Variants in COL12A1 observed in about 807,000 individuals in gnomAD.
The protein encoded by COL12A1 is collagen alpha-1(XII) chain.
COL12A1 carries 114 observed loss-of-function variants against 349.7 expected under a neutral mutation model. The ratio of observed to expected loss-of-function variants is 0.33; its 90% CI spans 0.28 to 0.38. The LOEUF is 0.38. Among genes scored for constraint, COL12A1 ranks in the 10% least tolerant of loss-of-function variants. The pLI is 1.00. For missense variants in COL12A1, 3,284 were observed against 3,756.9 expected, an observed-to-expected ratio of 0.87 and a Z score of 3.29; for synonymous variants, 1,369 against 1,329.0, an observed-to-expected ratio of 1.03 and a Z score of -0.66.
rs1765872450 is a variant in COL12A1 at position 75,123,853 on chromosome 6, A to G, written c.6871+95T>C. The G allele has an allele frequency of 2.3e-6, 3 of 1,292,544 alleles. No homozygotes were observed. The East Asian group carries it at 7.1e-5, about 31-fold the overall frequency. 80.1% of individuals were successfully genotyped at this position (1,292,544 alleles called of 1,614,324 possible). A position where few individuals can be genotyped will look rare whatever the true frequency, so the allele number is the denominator to read the frequency against. On this transcript the variant is annotated intron_variant, in intron 42 of 65. Coordinates refer to ENST00000322507, the MANE Select transcript of COL12A1 (RefSeq NM_004370.6). Reference sequence around the variant, plus strand: ...CCCATCATTATTGCTACCCCTACGGAGAGGTACCTGCACAGGATTCACTTA... The same window carrying G: ...CCCATCATTATTGCTACCCCTACGGGGAGGTACCTGCACAGGATTCACTTA...
At chr6:75,118,092 A>G (rs1043509677) in intron 46 of COL12A1, among the ~76,000 whole-genome samples, 1 of 152,194 alleles carries the variant, frequency 6.6e-6, no homozygotes, top group Admixed American at 6.5e-5. Flanking sequence ...CGAAAGCTAA[A>G]TTTGACATCA....
chr6:75,099,672 C>T (rs1296447567), intron 58 of COL12A1, among the ~76,000 whole-genome samples: 9 of 152,210 alleles, frequency 5.9e-5, no homozygotes, highest in Admixed American at 5.2e-4. Flanking sequence ...GTTATTTCCA[C>T]TTCTAACCAA....
intron 65 of COL12A1, chr6:75,087,372 G>C (rs1311207541): frequency 1.9e-6 from 1 of 528,152 alleles, no homozygotes; most frequent in Non-Finnish European, 3.2e-6. Context: ...CAGAAACATG[G>C]GGAAAAAAGA....
At chr6:75,094,594 G>A (rs1465039723) in intron 60 of COL12A1, among the ~76,000 whole-genome samples, 1 of 152,030 alleles carries the variant, frequency 6.6e-6, no homozygotes, top group African/African-American at 2.4e-5. Flanking sequence ...ATTGGGGCAG[G>A]ACAGTATTAA....
In COL12A1 at chr6:75,115,461, A is replaced by G. The variant is rs75490841; in HGVS notation, c.7697+323T>C. Among the ~76,000 whole-genome samples, 666 of 152,234 alleles carry G rather than the reference A, an allele frequency of 4.4e-3. 5 individuals are homozygous for G. Among genetic ancestry groups the G allele is most frequent in the Non-Finnish European group, 7.8e-3 (528 of 67,982 alleles). ...CTTATTCCATCCAGTATTCTGCACC[A>G]CAGAGAGAGATGTTCAAAATATTAA... On this transcript the variant is annotated intron_variant, in intron 49 of 65. Coordinates refer to ENST00000322507, the MANE Select transcript of COL12A1 (RefSeq NM_004370.6).
At chr6:75,119,548 C>T (rs1262809533) in intron 44 of COL12A1, 75 bp from the exon 45 acceptor site, 1 of 1,523,692 alleles carries the variant, frequency 6.6e-7, no homozygotes, top group Non-Finnish European at 8.8e-7. Flanking sequence ...GATTCTCTAG[C>T]TGCGGAATAA....
At chr6:75,103,321 G>T (rs1266160879) in intron 55 of COL12A1, among the ~76,000 whole-genome samples, 1 of 152,206 alleles carries the variant, frequency 6.6e-6, no homozygotes, top group African/African-American at 2.4e-5. Flanking sequence ...GAAAACCAGT[G>T]TGGAGCTGGC....
intron 51 of COL12A1, among the ~76,000 whole-genome samples, chr6:75,110,642 A>G (rs1313914340): frequency 6.6e-5 from 10 of 152,028 alleles, no homozygotes; most frequent in Admixed American, 6.6e-4. Context: ...AATCCATGTC[A>G]TCTTTCAACA....
intron 20 of COL12A1, among the ~76,000 whole-genome samples, chr6:75,151,533 A>G (rs1767484462): frequency 6.6e-6 from 1 of 152,148 alleles, no homozygotes; most frequent in Non-Finnish European, 1.5e-5. Flanking sequence ...TTCCCGCCAA[A>G]AAGACTCTCT....
In COL12A1 at chr6:75,177,604, A is replaced by G. The variant is rs550497591; in HGVS notation, c.2437+59T>C. On this transcript the variant is annotated intron_variant, in intron 12 of 65. Coordinates refer to ENST00000322507, the MANE Select transcript of COL12A1 (RefSeq NM_004370.6). ...GTTTTTTATCTGGATAGTTGTCCCA[A>G]TTTTCCCCTCTAGTCTAAGAGTTTG... 112 of 1,603,528 alleles carry G rather than the reference A, an allele frequency of 7.0e-5. No individual in the cohort carries two copies. The African/African-American group carries it at 1.4e-3, about 20-fold the overall frequency.
In COL12A1 at chr6:75,085,457, A is replaced by C; in HGVS notation, c.*1090T>G. On this transcript the variant is annotated 3_prime_UTR_variant, in exon 66 of 66. Coordinates refer to ENST00000322507, the MANE Select transcript of COL12A1 (RefSeq NM_004370.6). The stretch of plus-strand genomic sequence containing the variant: ...CTAAATCATCACCCGCGGTGATGGC[A>C]CTCCAGTCTTAATCTCATAACTATA... 2.4e-6 allele frequency: 1 copy of C among 418,348 alleles called. No homozygotes were observed. The highest frequency in any genetic ancestry group is 1.8e-5 in the South Asian group (1 of 57,076). 25.9% of individuals were successfully genotyped at this position (418,348 alleles called of 1,614,324 possible).
intron 59 of COL12A1, among the ~76,000 whole-genome samples, chr6:75,095,792 T>A (rs1192497160): frequency 6.6e-6 from 1 of 152,220 alleles, no homozygotes; most frequent in African/African-American, 2.4e-5. Context: ...ATGATCCTAG[T>A]AAATTGGTTA....
rs2149374132 is a variant in COL12A1, at chr6:75,124,268, T to G, written c.6711A>C (p.Leu2237=). The change falls in exon 41 of 66, where the codon CTA becomes CTC. Residue 2237 remains leucine, a synonymous_variant. Transcript: ENST00000322507. The part of the protein sequence containing the change: ...HRAATSYRLK[L]SPADGTRGQE... ...TTACACACATACCATCTGCAGGGCT[T>G]AGTTTTAGCCTGTAGGAGGTGGCTG... 1 of 1,613,480 alleles carries G rather than the reference T, an allele frequency of 6.2e-7. No homozygotes were observed. The highest frequency in any genetic ancestry group is 8.5e-7 in the Non-Finnish European group (1 of 1,179,566).
In COL12A1 at chr6:75,151,229, G is replaced by T. The variant is rs992754948; in HGVS notation, c.4059C>A (p.Thr1353=). 6.2e-7 allele frequency: 1 copy of T among 1,613,016 alleles called. No individual in the cohort carries two copies. Among genetic ancestry groups the T allele is most frequent in the Non-Finnish European group, 8.5e-7 (1 of 1,179,326 alleles). ...LKMIATDPDD[T]HAYNVADFES... is the part of the protein sequence containing the mutation. ...CAAAATCTGCCACATTGTATGCATG[G>T]GTATCATCAGGATCAGTTGCAATCA... The change falls in exon 21 of 66, where the codon ACC becomes ACA. Residue 1353 remains threonine (T), a synonymous_variant. Transcript: ENST00000322507.
intron 60 of COL12A1, among the ~76,000 whole-genome samples, chr6:75,092,355 T>A (rs1222514368): frequency 6.6e-6 from 1 of 152,044 alleles, no homozygotes; most frequent in African/African-American, 2.4e-5. Flanking sequence ...AATAAAAATA[T>A]TCTACAATTA....
In COL12A1 at chr6:75,184,157, A is replaced by G. The variant is rs1432500189; in HGVS notation, c.998-13T>C. The G allele has an allele frequency of 1.2e-6, 2 of 1,610,566 alleles. No homozygotes were observed. ...GGAGGCTCAACAACTAAAAAGTTAC[A>G]AGCAGACAGTGATTAATAACAGTGA... is the stretch of plus-strand genomic sequence containing the variant. On this transcript the variant is annotated splice_polypyrimidine_tract_variant and intron_variant, in intron 8 of 65. Coordinates refer to ENST00000322507, the MANE Select transcript of COL12A1 (RefSeq NM_004370.6).
At chr6:75,140,866 G>T (rs1766856395) in intron 27 of COL12A1, among the ~76,000 whole-genome samples, 1 of 152,028 alleles carries the variant, frequency 6.6e-6, no homozygotes, top group African/African-American at 2.4e-5. Context: ...GACCTGTGCT[G>T]TCCATAATGG....
At chr6:75,183,690 T>C (rs1769454546) in intron 9 of COL12A1, 38 bp from the exon 10 acceptor site, 1 of 1,555,456 alleles carries the variant, frequency 6.4e-7, no homozygotes, top group South Asian at 1.3e-5. Context: ...CTTCAATACA[T>C]ATTAATCATT....
In COL12A1 at chr6:75,128,429, T is replaced by C. The variant is rs762268779; in HGVS notation, c.6211-4A>G. 5.8e-6 allele frequency: 9 copies of C among 1,556,210 alleles called. No individual in the cohort carries two copies. The highest frequency in any genetic ancestry group is 6.9e-6 in the Non-Finnish European group (8 of 1,155,956). On this transcript the variant is annotated splice_polypyrimidine_tract_variant and splice_region_variant and intron_variant, in intron 37 of 65. Transcript: ENST00000322507. ...TTCTTCTGCCTGGGACTGTGGTCTA[T>C]AGAGGAAGTTAAATTATAAATATAT...
Sources: allele counts gnomAD v4.1 joint callset (sites outside exome capture counted in the v4.1 genomes callset), GRCh38; gene constraint gnomAD v4.1.1; transcripts MANE v1.5; gene names NCBI Gene and HGNC (gene_info 2026-07-23, HGNC 2026-07-21).